The following ERC2 variants were observed in gnomAD, a reference collection of about 807,000 sequenced individuals.
ERC2 encodes the protein ELKS/RAB6-interacting/CAST family member 2.
Under a neutral mutation model 114.8 loss-of-function variants are expected in ERC2, and 42 were observed. The ratio of observed to expected loss-of-function variants is 0.37; its 90% CI spans 0.29 to 0.47. The LOEUF is 0.47. Ranked by LOEUF, ERC2 falls within the 20% of genes least tolerant of loss-of-function variation. The pLI is 0.99. For synonymous variants in ERC2, 454 were observed against 425.5 expected, an observed-to-expected ratio of 1.07 and a Z score of -0.82; for missense variants, 939 against 1,150.7, an observed-to-expected ratio of 0.82 and a Z score of 2.66.
intron 10 of ERC2, among the ~76,000 whole-genome samples, chr3:56,001,486 C>T (rs138190506): frequency 1.1e-4 from 17 of 151,942 alleles, no homozygotes; most frequent in Non-Finnish European, 1.9e-4. Context: ...CCCGGGATGC[C>T]AAACCAATGG....
chr3:55,978,525 C>T (rs1301621864), intron 12 of ERC2, among the ~76,000 whole-genome samples: 2 of 152,204 alleles, frequency 1.3e-5, no homozygotes, highest in African/African-American at 4.8e-5. Flanking sequence ...TCTCTCGTAT[C>T]AACTCCCTAC....
chr3:55,729,792 C>T (rs561664238), intron 15 of ERC2, among the ~76,000 whole-genome samples: 3 of 127,958 alleles, frequency 2.3e-5, no homozygotes, highest in South Asian at 2.6e-4. Context: ...GAGCTATGAT[C>T]GCGCCACTGC....
At chr3:56,287,171 T>C (rs2054777307) in intron 3 of ERC2, among the ~76,000 whole-genome samples, 1 of 152,186 alleles carries the variant, frequency 6.6e-6, no homozygotes, top group Non-Finnish European at 1.5e-5. Context: ...GCACATGTCT[T>C]AGGAGTTACA....
intron 2 of ERC2, among the ~76,000 whole-genome samples, chr3:56,402,347 G>T (rs2060550320): frequency 6.6e-6 from 1 of 152,154 alleles, no homozygotes; most frequent in South Asian, 2.1e-4. Context: ...GAAAGGAGTG[G>T]TAACCTCCCT....
At chr3:56,394,918 A>G (rs2060251857) in intron 2 of ERC2, among the ~76,000 whole-genome samples, 1 of 152,214 alleles carries the variant, frequency 6.6e-6, no homozygotes, top group South Asian at 2.1e-4. Context: ...ACAAATGTCC[A>G]TCAACTGATA....
At chr3:55,873,214 G>A (rs1254764120) in intron 14 of ERC2, among the ~76,000 whole-genome samples, 4 of 151,986 alleles carry the variant, frequency 2.6e-5, no homozygotes, top group Non-Finnish European at 5.9e-5. Flanking sequence ...AGGAAGAAAG[G>A]AAAAAGAGGG....
intron 16 of ERC2, among the ~76,000 whole-genome samples, chr3:55,692,610 T>C (rs2062723801): frequency 6.6e-6 from 1 of 152,206 alleles, no homozygotes; most frequent in South Asian, 2.1e-4. Context: ...TGCTTTTCTT[T>C]TCTGAGCCAA....
intron 2 of ERC2, among the ~76,000 whole-genome samples, chr3:56,338,493 G>T (rs1576491113): frequency 6.6e-6 from 1 of 152,182 alleles, no homozygotes; most frequent in Non-Finnish European, 1.5e-5. Flanking sequence ...AGATGGGCCT[G>T]CCACCTGCAA....
chr3:55,885,085 T>C (rs1230480489), intron 14 of ERC2, among the ~76,000 whole-genome samples: 1 of 152,098 alleles, frequency 6.6e-6, no homozygotes, highest in Non-Finnish European at 1.5e-5. Flanking sequence ...CCCTCTAACA[T>C]CACACAGCCT....
At chr3:56,366,796 G>T (rs967771162) in intron 2 of ERC2, among the ~76,000 whole-genome samples, 1 of 152,262 alleles carries the variant, frequency 6.6e-6, no homozygotes. Context: ...ATAATTCTGT[G>T]GTTCTCACCA....
intron 17 of ERC2, among the ~76,000 whole-genome samples, chr3:55,653,240 A>G (rs2060713539): frequency 6.6e-6 from 1 of 152,134 alleles, no homozygotes; most frequent in South Asian, 2.1e-4. Context: ...GTGCATATTC[A>G]AAATCATCAT....
At chr3:56,327,981 A>C (rs1300996041) in intron 2 of ERC2, among the ~76,000 whole-genome samples, 2 of 152,220 alleles carry the variant, frequency 1.3e-5, no homozygotes, top group East Asian at 3.8e-4. Flanking sequence ...GGAAGCTGTG[A>C]CCATACAAAG....
intron 2 of ERC2, among the ~76,000 whole-genome samples, chr3:56,376,396 A>G (rs1273221847): frequency 6.6e-6 from 1 of 152,002 alleles, no homozygotes; most frequent in East Asian, 1.9e-4. Context: ...AATGGAAACC[A>G]TCCCTCTCAA....
At chr3:56,224,187 C>G (rs2050104981) in intron 3 of ERC2, among the ~76,000 whole-genome samples, 1 of 152,178 alleles carries the variant, frequency 6.6e-6, no homozygotes, top group African/African-American at 2.4e-5. Flanking sequence ...ATGTCTTAAG[C>G]AGCACAACTC....
At chr3:55,943,329 C>G (rs1178344597) in intron 13 of ERC2, among the ~76,000 whole-genome samples, 1 of 152,128 alleles carries the variant, frequency 6.6e-6, no homozygotes, top group African/African-American at 2.4e-5. Flanking sequence ...GAAAATGATA[C>G]TGCACGTGTT....
chr3:56,239,414 G>A (rs1456456354), intron 3 of ERC2, among the ~76,000 whole-genome samples: 1 of 152,180 alleles, frequency 6.6e-6, no homozygotes, highest in African/African-American at 2.4e-5. Flanking sequence ...GCTAAGGCAG[G>A]AGAATTGCTT....
At chr3:56,137,048 G>A (rs2080550872) in intron 6 of ERC2, among the ~76,000 whole-genome samples, 1 of 152,110 alleles carries the variant, frequency 6.6e-6, no homozygotes, top group African/African-American at 2.4e-5. Flanking sequence ...ATATGTATAG[G>A]TCTAATTTGG....
intron 12 of ERC2, among the ~76,000 whole-genome samples, chr3:55,952,551 C>T (rs2067654420): frequency 6.6e-6 from 1 of 152,054 alleles, no homozygotes; most frequent in South Asian, 2.1e-4. Context: ...GCGCATTTTC[C>T]AGTTCCTTAG....
intron 3 of ERC2, among the ~76,000 whole-genome samples, chr3:56,221,159 G>T (rs115643506): frequency 0.3 from 44,799 of 151,086 alleles, 8,237 homozygotes; most frequent in Middle Eastern, 0.42. Flanking sequence ...TTTGAAAATT[G>T]AAAATTTTCA....
Sources: allele counts gnomAD v4.1 joint callset (sites outside exome capture counted in the v4.1 genomes callset), GRCh38; gene constraint gnomAD v4.1.1; transcripts MANE v1.5; gene names NCBI Gene and HGNC (gene_info 2026-07-23, HGNC 2026-07-21).